PHF21A: variants seen among roughly 807,000 people sequenced by gnomAD.
The protein encoded by PHF21A is BHC80a.
In PHF21A, 11 loss-of-function variants were observed where a neutral mutation model predicts 82.5. The ratio of observed to expected loss-of-function variants is 0.13; its 90% CI spans 0.08 to 0.22. PHF21A has a LOEUF of 0.22. PHF21A is among the 10% of genes least tolerant of loss of function. The probability of loss-of-function intolerance (pLI) is 1.00; values close to 1 mark genes in which losing one functional copy is unlikely to be tolerated. For synonymous variants in PHF21A, 297 were observed against 302.8 expected (o/e 0.98, Z 0.20); for missense variants, 579 against 837.8 (o/e 0.69, Z 3.81).
At chr11:45,986,898 T>C (rs981132588) in intron 6 of PHF21A, among the ~76,000 whole-genome samples, 1 of 152,234 alleles carries the variant, frequency 6.6e-6, no homozygotes, top group African/African-American at 2.4e-5. Context: ...TGGCTATTTT[T>C]TTTTTAATGA....
At chr11:46,013,702 T>A (rs2095458064) in intron 6 of PHF21A, among the ~76,000 whole-genome samples, 1 of 152,198 alleles carries the variant, frequency 6.6e-6, no homozygotes, top group Non-Finnish European at 1.5e-5. Flanking sequence ...ACACCTAGGC[T>A]ATATGGTAAT....
intron 6 of PHF21A, among the ~76,000 whole-genome samples, chr11:46,066,118 C>A (rs2096591044): frequency 6.6e-6 from 1 of 152,010 alleles, no homozygotes; most frequent in Non-Finnish European, 1.5e-5. Context: ...ATAAGCCAGA[C>A]AGAAAAAAGT....
At chr11:46,107,519 C>CATTCTACCAGGTCCA (rs2097165403) in intron 1 of PHF21A, among the ~76,000 whole-genome samples, 1 of 152,224 alleles carries the variant, frequency 6.6e-6, no homozygotes, top group South Asian at 2.1e-4. Flanking sequence ...TAAACTGCTA[C>CATTCTACCAGGTCCA]ATTCTACCAG....
Position 45,929,514 on chromosome 11 carries a change from G to A in PHF21A, c.*4454C>T, listed in dbSNP as rs1254139259. 6.5e-6 allele frequency: 1 copy of A among 153,448 alleles called. No homozygotes were observed. The highest frequency in any genetic ancestry group is 1.4e-5 in the Non-Finnish European group (1 of 69,024). The allele number at this position is 153,448 out of a possible 1,614,324, so 9.5% of individuals were successfully genotyped here. ...AGGGCATGGACAAGAGACAGGGTTG[G>A]GGTCTGGCTGGCTCTTCTCTGCTAG... is the stretch of plus-strand genomic sequence containing the variant. On this transcript the variant is annotated 3_prime_UTR_variant, in exon 19 of 19. Transcript: ENST00000676320.
intron 10 of PHF21A, among the ~76,000 whole-genome samples, chr11:45,956,770 C>A (rs538370966): frequency 1.3e-5 from 2 of 151,932 alleles, no homozygotes; most frequent in Non-Finnish European, 2.9e-5. Context: ...GAACAAAAAA[C>A]GTAAGATATA....
rs1365174619 is a variant in PHF21A, at chr11:45,935,639, T to C, written c.1785A>G (p.Ile595Met). ...EQKVKQLSNS[I>M]SKCMEMKNTI... ...TGAAGGCATGAGGTTTACTTACACTTATGGAATTGCTGAGCTGTTTCACCT... is the reference window on the plus strand; with the variant it reads ...TGAAGGCATGAGGTTTACTTACACTCATGGAATTGCTGAGCTGTTTCACCT... Residue 595 changes from isoleucine (I) to methionine (M), a missense_variant, in exon 18 of 19, where the codon ATA (isoleucine) becomes ATG (methionine). Physicochemically the swap from Ile to Met is conservative, Grantham distance 10 (BLOSUM62 1). This residue lies in a region of PHF21A where 157 missense variants were observed against 149.4 expected (regional missense o/e 1.05). Transcript: ENST00000676320. The C allele has an allele frequency of 6.9e-7, 1 of 1,440,424 alleles. No individual in the cohort carries two copies. Among genetic ancestry groups the C allele is most frequent in the South Asian group, 1.1e-5 (1 of 87,472 alleles). The allele number at this position is 1,440,424 out of a possible 1,614,324, so 89.2% of individuals were successfully genotyped here. A position where few individuals can be genotyped will look rare whatever the true frequency, so the allele number is the denominator to read the frequency against.
chr11:46,104,983 G>A (rs1258513008), intron 1 of PHF21A, among the ~76,000 whole-genome samples: 1 of 152,212 alleles, frequency 6.6e-6, no homozygotes. Flanking sequence ...GAAGAAAGGA[G>A]CAGAAAACTA....
At chr11:46,005,929 A>T (rs2137168707) in intron 6 of PHF21A, among the ~76,000 whole-genome samples, 1 of 152,318 alleles carries the variant, frequency 6.6e-6, no homozygotes, top group Non-Finnish European at 1.5e-5. Flanking sequence ...TCTCAAGAAC[A>T]GTAAGAAAAA....
intron 15 of PHF21A, among the ~76,000 whole-genome samples, chr11:45,941,918 C>T (rs1205734760): frequency 1.3e-5 from 2 of 152,188 alleles, no homozygotes; most frequent in Admixed American, 6.5e-5. Context: ...AGTGGCAACA[C>T]GGTACATCCA....
At chr11:45,948,828 AACAC>A in intron 14 of PHF21A, 54 bp downstream of exon 14, 8 of 1,239,956 alleles carry the variant, frequency 6.5e-6, no homozygotes, top group Non-Finnish European at 1.2e-6. Context: ...AAGGAGAAGA[AACAC>A]ACACACAAAG....
chr11:45,951,458 C>T (rs1352695059), intron 11 of PHF21A, among the ~76,000 whole-genome samples: 1 of 152,206 alleles, frequency 6.6e-6, no homozygotes. Context: ...ATTTCAAAAA[C>T]TGAGATGGGC....
At chr11:45,985,250 A>C (rs1428587894) in intron 6 of PHF21A, among the ~76,000 whole-genome samples, 1 of 152,238 alleles carries the variant, frequency 6.6e-6, no homozygotes, top group African/African-American at 2.4e-5. Flanking sequence ...CTGAGGATGC[A>C]GGAAGGAGAC....
chr11:45,948,391 C>A (rs1456631751), intron 14 of PHF21A, among the ~76,000 whole-genome samples: 1 of 152,166 alleles, frequency 6.6e-6, no homozygotes, highest in African/African-American at 2.4e-5. Context: ...GTTGGAGATG[C>A]CCTCTTCTCA....
rs1038744812 is a variant in PHF21A, at chr11:46,051,705, G to C, written c.153+25049C>G. ...AATGGTCATCATGCCTCAACTCAAG[G>C]GGGTGAGGACACTGGTCTCTGCTAC... On this transcript the variant is annotated intron_variant, in intron 6 of 18. Coordinates refer to ENST00000676320, the MANE Select transcript of PHF21A (RefSeq NM_001352027.3). Among the ~76,000 whole-genome samples the C allele has an allele frequency of 3.3e-5, 5 of 152,244 alleles. No individual in the cohort carries two copies. In the South Asian group the frequency reaches 8.3e-4, roughly 25 times the overall value.
At position 45,946,056 on chromosome 11, in the gene PHF21A, G is replaced by A. The variant is rs770480350; in HGVS notation, c.1289-53C>T. The A allele has an allele frequency of 2.4e-5, 38 of 1,612,202 alleles. 1 individual carries two copies. The South Asian group carries it at 3.7e-4, about 16-fold the overall frequency. On this transcript the variant is annotated intron_variant, in intron 14 of 18. Coordinates refer to ENST00000676320, the MANE Select transcript of PHF21A (RefSeq NM_001352027.3). ...GGAAAAACGGGGAGGGAAAGAGAGG[G>A]GGAAAATGATCTTACATACCTTTGG...
At chr11:45,938,961 G>A (rs1369694687) in intron 15 of PHF21A, among the ~76,000 whole-genome samples, 1 of 151,982 alleles carries the variant, frequency 6.6e-6, no homozygotes, top group Non-Finnish European at 1.5e-5. Context: ...AGCCTCCAGA[G>A]TAGCTGGGAC....
chr11:46,079,753 C>T (rs112026260), intron 4 of PHF21A, among the ~76,000 whole-genome samples: 5,835 of 151,906 alleles, frequency 0.038, 179 homozygotes, highest in Non-Finnish European at 0.056. Context: ...CTATCTAACT[C>T]GATTCCTCTG....
chr11:45,988,348 CAAT>C (rs2094565517), intron 6 of PHF21A, among the ~76,000 whole-genome samples: 1 of 151,890 alleles, frequency 6.6e-6, no homozygotes, highest in African/African-American at 2.4e-5. Flanking sequence ...CAGAAAAAGA[CAAT>C]AATATTAGAA....
intron 6 of PHF21A, among the ~76,000 whole-genome samples, chr11:46,054,552 T>G (rs1335465593): frequency 3.3e-5 from 5 of 152,200 alleles, no homozygotes; most frequent in African/African-American, 1.2e-4. Flanking sequence ...GCTTTTCATT[T>G]TATTAGGGTA....
Sources: allele counts gnomAD v4.1 joint callset (sites outside exome capture counted in the v4.1 genomes callset), GRCh38; gene constraint gnomAD v4.1.1; regional missense constraint gnomAD v4.1.1; transcripts MANE v1.5; gene names NCBI Gene and HGNC (gene_info 2026-07-23, HGNC 2026-07-21).